STXBP3: variants seen among roughly 807,000 people sequenced by gnomAD.
The protein encoded by STXBP3 is syntaxin-binding protein 3.
STXBP3 carries 41 observed loss-of-function variants against 85.7 expected under a neutral mutation model. The observed-to-expected ratio is 0.48, with a 90% CI of 0.37 to 0.62. The LOEUF (loss-of-function observed/expected upper bound fraction) is 0.62. Ranked by LOEUF, STXBP3 falls within the 20% of genes least tolerant of loss-of-function variation. STXBP3 has a pLI of 0.00. For synonymous variants in STXBP3, 229 were observed against 231.7 expected (o/e 0.99, Z 0.10); for missense variants, 563 against 703.1 (o/e 0.80, Z 2.25).
rs1445093445 is a variant in STXBP3, at chr1:108,784,628, A to G, written c.963+1922A>G. Among the ~76,000 whole-genome samples the G allele has an allele frequency of 5.3e-5, 8 of 152,272 alleles. 2 individuals carry two copies. The highest frequency in any genetic ancestry group is 3.9e-4 in the Admixed American group (6 of 15,300). ...TCATGTCCTCACATTTCAAAACACA[A>G]TCATGCCCTTCCAACAGTCCCCTAC... On this transcript the variant is annotated intron_variant, in intron 11 of 18. Transcript: ENST00000370008.
In STXBP3 at chr1:108,776,434, C is replaced by A; in HGVS notation, c.684+11C>A. 1 of 1,577,710 alleles carries A rather than the reference C, an allele frequency of 6.3e-7. No individual in the cohort carries two copies. Among genetic ancestry groups the A allele is most frequent in the Non-Finnish European group, 8.6e-7 (1 of 1,157,180 alleles). ...AAGAGCCTAATAAAGGTAATGTATG[C>A]AAGGCAAGTAATGACTATGCATAAA... is the stretch of plus-strand genomic sequence containing the variant. On this transcript the variant is annotated intron_variant, in intron 8 of 18. Transcript: ENST00000370008.
At chr1:108,797,980 T>C (rs1172026967) in intron 15 of STXBP3, among the ~76,000 whole-genome samples, 165 bp from the exon 16 acceptor site, 1 of 152,240 alleles carries the variant, frequency 6.6e-6, no homozygotes, top group Non-Finnish European at 1.5e-5. Flanking sequence ...AGTGGAGTTA[T>C]GCGACCACAC....
intron 6 of STXBP3, among the ~76,000 whole-genome samples, chr1:108,760,990 A>G (rs900001603): frequency 1.6e-4 from 25 of 151,892 alleles, no homozygotes; most frequent in African/African-American, 5.8e-4. Flanking sequence ...TGCAACCTCC[A>G]TCTCCCAAGT....
At chr1:108,808,235 A>C in intron 18 of STXBP3, among the ~76,000 whole-genome samples, 1 of 152,212 alleles carries the variant, frequency 6.6e-6, no homozygotes, top group East Asian at 1.9e-4. Context: ...ATTTCAGGCC[A>C]GGCTAGTGGC....
At chr1:108,769,951 A>G (rs1268511208) in intron 6 of STXBP3, among the ~76,000 whole-genome samples, 1 of 152,180 alleles carries the variant, frequency 6.6e-6, no homozygotes, top group African/African-American at 2.4e-5. Flanking sequence ...GGAGCCACAC[A>G]ATAGCTTTTA....
At position 108,752,164 on chromosome 1, in the gene STXBP3, C is replaced by T. The variant is rs529271485; in HGVS notation, c.50-93C>T. The stretch of plus-strand genomic sequence containing the variant: ...GCTTTTTATGTAGTTTAACAAATTT[C>T]AAATTGGATTTTTCCTTAGCCATTT... On this transcript the variant is annotated intron_variant, in intron 1 of 18. Coordinates refer to ENST00000370008, the MANE Select transcript of STXBP3 (RefSeq NM_007269.4). The T allele has an allele frequency of 1.3e-4, 151 of 1,176,710 alleles. No homozygotes were observed. The East Asian group carries it at 3.6e-3, about 28-fold the overall frequency. The allele number at this position is 1,176,710 out of a possible 1,614,324, so 72.9% of individuals were successfully genotyped here.
chr1:108,759,685 A>G (rs868413285), intron 5 of STXBP3, among the ~76,000 whole-genome samples: 41 of 152,326 alleles, frequency 2.7e-4, no homozygotes, highest in African/African-American at 9.4e-4. Context: ...TTGTTAAGTC[A>G]TAAGTTTGGA....
In STXBP3 at chr1:108,784,960, G is replaced by T. The variant is rs374428085; in HGVS notation, c.963+2254G>T. Among the ~76,000 whole-genome samples, 9 of 152,314 alleles carry T rather than the reference G, an allele frequency of 5.9e-5. No homozygotes were observed. The East Asian group carries it at 1.7e-3, about 29-fold the overall frequency. Reference sequence around the variant, plus strand: ...TGGGTCATGTTGATGCAAAAGGTGGGTTCCCATGGCCCTAGGCAGCTCTGC... The same window carrying T: ...TGGGTCATGTTGATGCAAAAGGTGGTTTCCCATGGCCCTAGGCAGCTCTGC... On this transcript the variant is annotated intron_variant, in intron 11 of 18. Transcript: ENST00000370008.
At chr1:108,771,255 G>C (rs1662391205) in intron 6 of STXBP3, among the ~76,000 whole-genome samples, 1 of 149,136 alleles carries the variant, frequency 6.7e-6, no homozygotes, top group Admixed American at 6.9e-5. Flanking sequence ...CAGGATGACA[G>C]AGAAAATGAG....
intron 6 of STXBP3, among the ~76,000 whole-genome samples, chr1:108,768,944 T>C (rs1172575114): frequency 6.6e-6 from 1 of 152,160 alleles, no homozygotes; most frequent in Non-Finnish European, 1.5e-5. Flanking sequence ...CAAGTAGAGT[T>C]GATCCTTGAA....
At chr1:108,802,452 G>T (rs901991821) in intron 17 of STXBP3, among the ~76,000 whole-genome samples, 2 of 152,094 alleles carry the variant, frequency 1.3e-5, no homozygotes, top group Non-Finnish European at 2.9e-5. Context: ...CCCATCCTAA[G>T]TTGAGACCAC....
intron 16 of STXBP3, among the ~76,000 whole-genome samples, chr1:108,798,735 C>T (rs1261293157): frequency 6.6e-6 from 1 of 151,886 alleles, no homozygotes; most frequent in East Asian, 1.9e-4. Context: ...TCTTAAAGAC[C>T]TCAGACAAAC....
At chr1:108,771,282 GAC>G (rs1662391764) in intron 6 of STXBP3, among the ~76,000 whole-genome samples, 1 of 147,026 alleles carries the variant, frequency 6.8e-6, no homozygotes, top group Non-Finnish European at 1.5e-5. Context: ...TTAAGGTAAA[GAC>G]ACAGTTGTTT....
At chr1:108,752,429 TGAC>T in intron 2 of STXBP3, 123 bp downstream of exon 2, 1 of 863,748 alleles carries the variant, frequency 1.2e-6, no homozygotes, top group Non-Finnish European at 1.8e-6. Flanking sequence ...AAAGATAATT[TGAC>T]GTATGTGGGA....
At chr1:108,786,064 G>T (rs1570766460) in intron 11 of STXBP3, among the ~76,000 whole-genome samples, 1 of 152,168 alleles carries the variant, frequency 6.6e-6, no homozygotes, top group East Asian at 1.9e-4. Context: ...TGTCTTCACA[G>T]TAGCACCCCA....
At chr1:108,769,086 A>G (rs1250010643) in intron 6 of STXBP3, among the ~76,000 whole-genome samples, 1 of 74,712 alleles carries the variant, frequency 1.3e-5, no homozygotes, top group Admixed American at 1.0e-4. Flanking sequence ...AAACAATAGA[A>G]TAACACATAT....
At chr1:108,786,058 T>C (rs902250302) in intron 11 of STXBP3, among the ~76,000 whole-genome samples, 7 of 152,218 alleles carry the variant, frequency 4.6e-5, no homozygotes, top group Admixed American at 2.6e-4. Context: ...TTCAGGTGTC[T>C]TCACAGTAGC....
At chr1:108,790,010 A>AT (rs138747248) in intron 11 of STXBP3, among the ~76,000 whole-genome samples, 2 of 151,402 alleles carry the variant, frequency 1.3e-5, no homozygotes, top group African/African-American at 2.4e-5. Flanking sequence ...AAAAAAAAAA[A>AT]TTGATTTCTG....
intron 3 of STXBP3, among the ~76,000 whole-genome samples, chr1:108,755,096 C>T (rs1057115600): frequency 3.9e-5 from 6 of 151,908 alleles, no homozygotes; most frequent in Non-Finnish European, 7.4e-5. Flanking sequence ...AAAAAAAATG[C>T]TCTGTCAGGA....
Sources: allele counts gnomAD v4.1 joint callset (sites outside exome capture counted in the v4.1 genomes callset), GRCh38; gene constraint gnomAD v4.1.1; transcripts MANE v1.5; gene names NCBI Gene and HGNC (gene_info 2026-07-23, HGNC 2026-07-21).